The following CSMD1 variants were observed in gnomAD, a reference collection of about 807,000 sequenced individuals.
CSMD1 encodes the protein CUB and Sushi multiple domains 1.
CSMD1 carries 213 observed loss-of-function variants against 417.5 expected under a neutral mutation model. The ratio of observed to expected loss-of-function variants is 0.51; its 90% CI spans 0.46 to 0.57. The LOEUF is 0.57. Ranked by LOEUF, CSMD1 falls within the 20% of genes least tolerant of loss-of-function variation. The pLI, the probability that CSMD1 is intolerant of heterozygous loss-of-function variation, is 0.00. For synonymous variants in CSMD1, 2,862 were observed against 1,736.8 expected, an observed-to-expected ratio of 1.65 and a Z score of -16.11; for missense variants, 6,923 against 4,529.7, an observed-to-expected ratio of 1.53 and a Z score of -15.17.
intron 4 of CSMD1, among the ~76,000 whole-genome samples, chr8:4,024,901 A>G (rs1796983639): frequency 6.6e-6 from 1 of 151,864 alleles, no homozygotes; most frequent in African/African-American, 2.4e-5. Context: ...CCATCATAGA[A>G]TAAATGAAAG....
At chr8:2,972,043 AAATAT>A (rs774987631) in intron 57 of CSMD1, among the ~76,000 whole-genome samples, 7 of 152,118 alleles carry the variant, frequency 4.6e-5, no homozygotes, top group African/African-American at 9.7e-5. Context: ...ATGCATGGGT[AAATAT>A]AATATATAAA....
intron 2 of CSMD1, among the ~76,000 whole-genome samples, chr8:4,547,037 CCAAATT>C (rs1378395416): frequency 2.0e-5 from 3 of 152,204 alleles, no homozygotes; most frequent in Non-Finnish European, 2.9e-5. Flanking sequence ...TCTTTGAGCT[CCAAATT>C]CATACATCCA....
At chr8:3,868,187 C>G (rs1457369792) in intron 5 of CSMD1, among the ~76,000 whole-genome samples, 2 of 151,804 alleles carry the variant, frequency 1.3e-5, no homozygotes, top group Non-Finnish European at 2.9e-5. Flanking sequence ...ACACCTGGTG[C>G]AGTTGGATGT....
At chr8:3,139,905 CTTTT>C (rs56391105) in intron 41 of CSMD1, among the ~76,000 whole-genome samples, 5 of 127,116 alleles carry the variant, frequency 3.9e-5, no homozygotes, top group Non-Finnish European at 5.1e-5. Flanking sequence ...TTCTTTCTTT[CTTTT>C]TTTTTTTTTT....
intron 2 of CSMD1, among the ~76,000 whole-genome samples, chr8:4,434,643 G>T (rs1187860963): frequency 6.6e-6 from 1 of 152,140 alleles, no homozygotes; most frequent in Admixed American, 6.6e-5. Flanking sequence ...TAACAACTGG[G>T]AAGACATATC....
At chr8:4,941,116 C>T (rs757654599) in intron 1 of CSMD1, among the ~76,000 whole-genome samples, 5 of 152,066 alleles carry the variant, frequency 3.3e-5, no homozygotes. Context: ...TTGTCTTTCG[C>T]CTCTGATTTT....
chr8:3,950,035 T>G (rs1344738081), intron 5 of CSMD1: 2 of 455,570 alleles, frequency 4.4e-6, no homozygotes, highest in African/African-American at 2.0e-5. Flanking sequence ...CTGTGCGTAT[T>G]TGCTGTCACG....
rs201071094 is a variant in CSMD1 at position 3,175,475 on chromosome 8, C to CCCTTCCTT, written c.5725+5627_5725+5634dup. On this transcript the variant is annotated intron_variant, in intron 37 of 69. Coordinates refer to ENST00000635120, the MANE Select transcript of CSMD1 (RefSeq NM_033225.6). ...CCTTCCTTCTTTCCTTCCTTCTTTT[C>CCCTTCCTT]CCTTCCTTCCTGCCTGCCTGCCTGC... 1.0e-3 allele frequency among the ~76,000 whole-genome samples: 133 copies of CCCTTCCTT among 132,560 alleles called. 1 individual carries two copies. Among genetic ancestry groups the CCCTTCCTT allele is most frequent in the South Asian group, 1.9e-3 (7 of 3,732 alleles). 87.0% of individuals were successfully genotyped at this position (132,560 alleles called of 152,430 possible). A position where few individuals can be genotyped will look rare whatever the true frequency, so the allele number is the denominator to read the frequency against.
intron 62 of CSMD1, 50 bp from the exon 63 acceptor site, chr8:2,957,857 G>C (rs1395644881): frequency 1.6e-6 from 2 of 1,222,572 alleles, no homozygotes; most frequent in South Asian, 1.3e-5. Flanking sequence ...AATATACGAA[G>C]TGTCAACTAG....
chr8:3,509,914 C>T (rs892959349), intron 10 of CSMD1, among the ~76,000 whole-genome samples: 22 of 152,196 alleles, frequency 1.4e-4, no homozygotes, highest in African/African-American at 3.1e-4. Flanking sequence ...GCGATGAGGG[C>T]AACGCTTAAG....
intron 3 of CSMD1, among the ~76,000 whole-genome samples, chr8:4,402,598 T>C (rs1379898830): frequency 6.6e-6 from 1 of 152,136 alleles, no homozygotes; most frequent in Non-Finnish European, 1.5e-5. Flanking sequence ...GCTTTGAATA[T>C]TACATTACTG....
Position 3,214,553 on chromosome 8 carries a change from C to G in CSMD1, c.4811G>C (p.Cys1604Ser). 1 of 1,596,850 alleles carries G rather than the reference C, an allele frequency of 6.3e-7. No homozygotes were observed. The highest frequency in any genetic ancestry group is 8.5e-7 in the Non-Finnish European group (1 of 1,171,486). Residue 1604 changes from cysteine (C) to serine (S), a missense_variant, in exon 30 of 70, where the codon TGT (cysteine) becomes TCT (serine). Cys to Ser is a moderately radical substitution (Grantham distance 112). Coordinates refer to ENST00000635120, the MANE Select transcript of CSMD1 (RefSeq NM_033225.6). The stretch of plus-strand genomic sequence containing the variant: ...GGGTTTCCCATCAGCCCCAATCACA[C>G]AGGTGATGGATGAGGGGTCAAGAAT... Reference protein sequence around the residue: ...YKILDPSSITCVIGADGKPSW... With the variant: ...YKILDPSSITSVIGADGKPSW...
intron 5 of CSMD1, among the ~76,000 whole-genome samples, chr8:3,934,936 C>A (rs182415828): frequency 1.6e-4 from 25 of 152,178 alleles, no homozygotes; most frequent in African/African-American, 6.0e-4. Flanking sequence ...GAGTAGAGGG[C>A]ATATAAAAGT....
rs140323484 is a variant in CSMD1, at chr8:4,496,841, G to A, written c.303-76776C>T. On this transcript the variant is annotated intron_variant, in intron 2 of 69. Coordinates refer to ENST00000635120, the MANE Select transcript of CSMD1 (RefSeq NM_033225.6). The stretch of plus-strand genomic sequence containing the variant: ...GGGTAATCAAGGTTTAGAAAAATGA[G>A]TTCACAGAAGGTTTACAATATCAGG... Among the ~76,000 whole-genome samples the A allele has an allele frequency of 2.2e-3, 330 of 152,248 alleles. 1 individual carries two copies. The highest frequency in any genetic ancestry group is 7.3e-3 in the African/African-American group (302 of 41,548).
intron 8 of CSMD1, 44 bp downstream of exon 8, chr8:3,616,666 C>G: frequency 7.8e-7 from 1 of 1,283,408 alleles, no homozygotes; most frequent in South Asian, 1.2e-5. Context: ...TAATATATGT[C>G]TTAAAAATAA....
At chr8:3,913,224 G>C (rs957884794) in intron 5 of CSMD1, among the ~76,000 whole-genome samples, 6 of 152,088 alleles carry the variant, frequency 3.9e-5, no homozygotes, top group Admixed American at 3.9e-4. Flanking sequence ...TATCAGGGTT[G>C]GAATAAACAT....
At chr8:4,550,360 C>G (rs900557617) in intron 2 of CSMD1, among the ~76,000 whole-genome samples, 1 of 146,546 alleles carries the variant, frequency 6.8e-6, no homozygotes, top group African/African-American at 2.6e-5. Flanking sequence ...CACACACACA[C>G]AAACCCGGTC....
At chr8:3,783,403 G>A (rs1165012842) in intron 5 of CSMD1, among the ~76,000 whole-genome samples, 1 of 152,226 alleles carries the variant, frequency 6.6e-6, no homozygotes, top group Non-Finnish European at 1.5e-5. Flanking sequence ...ACCCACGGCT[G>A]GCACAGTCAG....
At chr8:4,224,963 T>G (rs1032943224) in intron 3 of CSMD1, among the ~76,000 whole-genome samples, 1 of 152,056 alleles carries the variant, frequency 6.6e-6, no homozygotes, top group Non-Finnish European at 1.5e-5. Context: ...TTAAAAAAAA[T>G]TAGTTGGGCG....
Sources: gnomAD v4.1 joint callset for allele counts (sites outside exome capture counted in the v4.1 genomes callset) on GRCh38, gnomAD v4.1.1 for gene constraint, MANE v1.5 for transcripts, NCBI Gene and HGNC (gene_info 2026-07-23, HGNC 2026-07-21) for gene names.